EIF4E3: variants seen among roughly 807,000 people sequenced by gnomAD.
EIF4E3 encodes eukaryotic translation initiation factor 4E family member 3.
EIF4E3 carries 26 observed loss-of-function variants against 31.7 expected under a neutral mutation model. That is an observed-to-expected ratio of 0.82 (90% CI 0.60 to 1.14). The LOEUF (loss-of-function observed/expected upper bound fraction) is 1.14. Among genes scored for constraint, EIF4E3 ranks in the 50% most tolerant of loss-of-function variants. The pLI is 0.00. For missense variants in EIF4E3, 304 were observed against 270.9 expected (o/e 1.12, Z -0.86); for synonymous variants, 128 against 107.7 (o/e 1.19, Z -1.17).
At position 71,681,958 on chromosome 3, in the gene EIF4E3, A is replaced by G. The variant is rs1381900521; in HGVS notation, c.*2724T>C. ...AACAGCAATATTATATTAAATGTAC[A>G]TGTTTGCAGTAAATTACACCCTCAT... On this transcript the variant is annotated 3_prime_UTR_variant, in exon 7 of 7. Transcript: ENST00000425534. 6.6e-6 allele frequency: 1 copy of G among 152,202 alleles called. No homozygotes were observed. Among genetic ancestry groups the G allele is most frequent in the Non-Finnish European group, 1.5e-5 (1 of 68,040 alleles). 9.4% of individuals were successfully genotyped at this position (152,202 alleles called of 1,614,324 possible).
chr3:71,725,133 C>A lies in EIF4E3; in HGVS notation c.176+59G>T, dbSNP rs1337013733. 3 of 1,022,480 alleles carry A rather than the reference C, an allele frequency of 2.9e-6. No individual in the cohort carries two copies. The highest frequency in any genetic ancestry group is 1.7e-5 in the African/African-American group (1 of 57,408). The allele number at this position is 1,022,480 out of a possible 1,614,324, so 63.3% of individuals were successfully genotyped here. On this transcript the variant is annotated intron_variant, in intron 1 of 6. Transcript: ENST00000425534. The surrounding 1 kb of genome is among the most constrained non-coding windows in gnomAD (Gnocchi z 6.1). ...GGCGAGGGGCCGCGCCGAGACAAAG[C>A]GGCGGTGGCGGCAGGACCCGGGTCG...
At chr3:71,710,799 AC>A (rs2049367619) in intron 1 of EIF4E3, among the ~76,000 whole-genome samples, 1 of 152,238 alleles carries the variant, frequency 6.6e-6, no homozygotes, top group Non-Finnish European at 1.5e-5. Flanking sequence ...CCTACTGATA[AC>A]CAAGCATTTT....
chr3:71,747,390 A>C (rs977989365), intron 1 of EIF4E3, among the ~76,000 whole-genome samples: 8 of 152,248 alleles, frequency 5.3e-5, no homozygotes, highest in African/African-American at 7.2e-5. Flanking sequence ...GATGCAAAGT[A>C]TCTTTCCATG....
chr3:71,659,871 G>A, the EIF4E3 span, among the ~76,000 whole-genome samples: 2 of 152,146 alleles, frequency 1.3e-5, no homozygotes, highest in Admixed American at 6.5e-5. Context: ...TTAAGAAAGC[G>A]GGGAAGAGGC....
chr3:71,694,869 A>G (rs998810151), intron 4 of EIF4E3, among the ~76,000 whole-genome samples: 1 of 152,218 alleles, frequency 6.6e-6, no homozygotes, highest in Non-Finnish European at 1.5e-5. Context: ...GGCTTAGTAC[A>G]ATGACTGCAA....
chr3:71,747,982 T>G (rs553645393), intron 1 of EIF4E3, among the ~76,000 whole-genome samples: 1 of 152,246 alleles, frequency 6.6e-6, no homozygotes, highest in Non-Finnish European at 1.5e-5. Context: ...TTTTGAGATA[T>G]GCAGTGATCA....
chr3:71,683,879 T>C lies in EIF4E3; in HGVS notation c.*803A>G, dbSNP rs1011421700. The C allele has an allele frequency of 4.6e-5, 7 of 152,340 alleles. No individual in the cohort carries two copies. Among genetic ancestry groups the C allele is most frequent in the African/African-American group, 9.6e-5 (4 of 41,580 alleles). 9.4% of individuals were successfully genotyped at this position (152,340 alleles called of 1,614,324 possible). A position where few individuals can be genotyped will look rare whatever the true frequency, so the allele number is the denominator to read the frequency against. On this transcript the variant is annotated 3_prime_UTR_variant, in exon 7 of 7. Transcript: ENST00000425534. Reference sequence around the variant, plus strand: ...TAAATCAGAAACATCAGGTTTCCTATTGGAAGAAATCCCTTGCTACCACTC... The same window carrying C: ...TAAATCAGAAACATCAGGTTTCCTACTGGAAGAAATCCCTTGCTACCACTC...
the EIF4E3 span, among the ~76,000 whole-genome samples, chr3:71,659,396 A>G: frequency 6.6e-6 from 1 of 152,228 alleles, no homozygotes; most frequent in South Asian, 2.1e-4. Flanking sequence ...ATGGCATCAG[A>G]CTTATTACAT....
At position 71,682,526 on chromosome 3, in the gene EIF4E3, C is replaced by G. The variant is rs983398653; in HGVS notation, c.*2156G>C. On this transcript the variant is annotated 3_prime_UTR_variant, in exon 7 of 7. Transcript: ENST00000425534. The stretch of plus-strand genomic sequence containing the variant: ...ATTATGATTAAATATTCAATTAAAA[C>G]AATTTCCAAACCAAAATCTGACAAA... 6.6e-6 allele frequency: 1 copy of G among 152,176 alleles called. No homozygotes were observed. The highest frequency in any genetic ancestry group is 2.4e-5 in the African/African-American group (1 of 41,436). 9.4% of individuals were successfully genotyped at this position (152,176 alleles called of 1,614,324 possible). A position where few individuals can be genotyped will look rare whatever the true frequency, so the allele number is the denominator to read the frequency against.
upstream of EIF4E3, among the ~76,000 whole-genome samples, chr3:71,726,093 G>A (rs2049635002): frequency 6.6e-6 from 1 of 152,174 alleles, no homozygotes; most frequent in Non-Finnish European, 1.5e-5. Context: ...CATTCCTCTT[G>A]GTGAGAGCAT....
At chr3:71,754,203 G>T, upstream of EIF4E3, 1 of 1,410,304 alleles carries the variant, frequency 7.1e-7, no homozygotes, top group Non-Finnish European at 9.4e-7. This position sits in a 1 kb window ranked among gnomAD's most constrained non-coding sequence, Gnocchi z 5.8. Context: ...CCTGCACCGC[G>T]CCCCGTACTA....
At chr3:71,719,178 T>C (rs563327370) in intron 1 of EIF4E3, among the ~76,000 whole-genome samples, 69 of 152,330 alleles carry the variant, frequency 4.5e-4, no homozygotes, top group Non-Finnish European at 6.9e-4. Context: ...TACTGAAACA[T>C]TCAGCATGTG....
chr3:71,691,956 T>C (rs140364851), intron 5 of EIF4E3, among the ~76,000 whole-genome samples: 212 of 152,350 alleles, frequency 1.4e-3, no homozygotes, highest in African/African-American at 4.9e-3. Flanking sequence ...GAAATGTTCA[T>C]GTCTCCAGTC....
At position 71,743,986 on chromosome 3, in the gene EIF4E3, T is replaced by TA. The variant is rs369068838; in HGVS notation, c.-291+9476dup. 5.5e-3 allele frequency among the ~76,000 whole-genome samples: 833 copies of TA among 152,190 alleles called. 2 individuals carry two copies. Among genetic ancestry groups the TA allele is most frequent in the Non-Finnish European group, 8.9e-3 (606 of 67,992 alleles). ...ACTAACTGTAAAAAACCTAAAATCA[T>TA]AAAACTTCTAGAAGAAAACATAGGA... On this transcript the variant is annotated intron_variant, in intron 1 of 7. Transcript: ENST00000295612.
At chr3:71,707,315 A>ACTAGTAAG (rs1266360993) in intron 2 of EIF4E3, among the ~76,000 whole-genome samples, 1 of 152,236 alleles carries the variant, frequency 6.6e-6, no homozygotes, top group Non-Finnish European at 1.5e-5. Context: ...AGTGTCACAT[A>ACTAGTAAG]TGGGACATCA....
At chr3:71,746,665 A>T (rs1166235450) in intron 1 of EIF4E3, among the ~76,000 whole-genome samples, 1 of 152,140 alleles carries the variant, frequency 6.6e-6, no homozygotes, top group Non-Finnish European at 1.5e-5. Context: ...TTTCATATGA[A>T]TTTTTTTGAT....
chr3:71,689,964 A>G, intron 6 of EIF4E3, 46 bp downstream of exon 6: 1 of 1,502,178 alleles, frequency 6.7e-7, no homozygotes, highest in Non-Finnish European at 8.9e-7. Flanking sequence ...CTTTAAAAGT[A>G]TGATAGAGTA....
intron 1 of EIF4E3, among the ~76,000 whole-genome samples, chr3:71,714,319 G>GGAAA (rs1232409951): frequency 3.5e-5 from 5 of 144,500 alleles, no homozygotes; most frequent in Middle Eastern, 6.8e-3. Context: ...AGAAAGGAAA[G>GGAAA]GAAAGAAAGA....
chr3:71,745,263 T>C lies in EIF4E3; in HGVS notation c.-291+8200A>G, dbSNP rs533244976. Among the ~76,000 whole-genome samples the C allele has an allele frequency of 3.9e-5, 6 of 152,320 alleles. No homozygotes were observed. The South Asian group carries it at 1.2e-3, about 32-fold the overall frequency. On this transcript the variant is annotated intron_variant, in intron 1 of 7. Coordinates refer to the EIF4E3 transcript ENST00000295612. The stretch of plus-strand genomic sequence containing the variant: ...GTGCTGGTGGCATAGGAAAAATTTA[T>C]ATGTGTGTGGGAGGTGTATGTATAT...
Sources: allele counts gnomAD v4.1 joint callset (sites outside exome capture counted in the v4.1 genomes callset), GRCh38; gene constraint gnomAD v4.1.1; non-coding constraint Gnocchi (gnomAD v3.1); transcripts MANE v1.5; gene names NCBI Gene and HGNC (gene_info 2026-07-23, HGNC 2026-07-21).